The following BCLAF1 variants were observed in gnomAD, a reference collection of about 807,000 sequenced individuals.
BCLAF1 encodes bcl-2-associated transcription factor 1.
Under a neutral mutation model 99.5 loss-of-function variants are expected in BCLAF1, and 10 were observed. That is an observed-to-expected ratio of 0.10 (90% CI 0.06 to 0.17). BCLAF1 has a LOEUF of 0.17. Among genes scored for constraint, BCLAF1 ranks in the 10% least tolerant of loss-of-function variants. The pLI is 1.00. For synonymous variants in BCLAF1, 255 were observed against 370.9 expected, an observed-to-expected ratio of 0.69 and a Z score of 3.59; for missense variants, 636 against 1,105.8, an observed-to-expected ratio of 0.58 and a Z score of 6.02.
chr6:136,261,106 T>A lies in BCLAF1; in HGVS notation c.*4A>T. 6.3e-7 allele frequency: 1 copy of A among 1,578,066 alleles called. No individual in the cohort carries two copies. Among genetic ancestry groups the A allele is most frequent in the Non-Finnish European group, 8.6e-7 (1 of 1,163,216 alleles). On this transcript the variant is annotated 3_prime_UTR_variant, in exon 13 of 13. Transcript: ENST00000531224. Reference sequence around the variant, plus strand: ...TGCTCTGTTGTAATCTTACTTCATATTTATTATTCCTAAAAGAGAGAGAAA... The same window carrying A: ...TGCTCTGTTGTAATCTTACTTCATAATTATTATTCCTAAAAGAGAGAGAAA...
At chr6:136,281,342 C>T (rs1784363573) in intron 2 of BCLAF1, among the ~76,000 whole-genome samples, 1 of 152,056 alleles carries the variant, frequency 6.6e-6, no homozygotes, top group South Asian at 2.1e-4. Flanking sequence ...CCTTGTAGAA[C>T]ACAAATTTGG....
In BCLAF1 at chr6:136,258,644, T is replaced by C. The variant is rs1780623140; in HGVS notation, c.*2466A>G. 6.6e-6 allele frequency: 1 copy of C among 152,502 alleles called. No individual in the cohort carries two copies. The highest frequency in any genetic ancestry group is 1.9e-4 in the East Asian group (1 of 5,198). 9.4% of individuals were successfully genotyped at this position (152,502 alleles called of 1,614,324 possible). A position where few individuals can be genotyped will look rare whatever the true frequency, so the allele number is the denominator to read the frequency against. Reference sequence around the variant, plus strand: ...ATTTACAAGGGTCCCTGTTGCATCATTATACATCACACTGAGTAAGAATCG... The same window carrying C: ...ATTTACAAGGGTCCCTGTTGCATCACTATACATCACACTGAGTAAGAATCG... On this transcript the variant is annotated 3_prime_UTR_variant, in exon 13 of 13. Coordinates refer to ENST00000531224, the MANE Select transcript of BCLAF1 (RefSeq NM_014739.3).
In BCLAF1 at chr6:136,288,738, A is replaced by T. The variant is rs538665808; in HGVS notation, c.-115+975T>A. On this transcript the variant is annotated intron_variant, in intron 1 of 12. Coordinates refer to ENST00000531224, the MANE Select transcript of BCLAF1 (RefSeq NM_014739.3). ...CTTGATTCTGAAGAAATAAATCTTA[A>T]AAGCGAATCAAGCCAACTCATGAAT... 5.3e-5 allele frequency among the ~76,000 whole-genome samples: 8 copies of T among 152,322 alleles called. No homozygotes were observed. In the South Asian group the frequency reaches 1.4e-3, roughly 28 times the overall value.
intron 6 of BCLAF1, chr6:136,274,039 A>G: frequency 1.6e-6 from 2 of 1,286,840 alleles, no homozygotes; most frequent in South Asian, 1.2e-5. Flanking sequence ...TGCCTCAATC[A>G]TAATTCCATG....
chr6:136,288,637 C>A (rs1257413129), intron 1 of BCLAF1, among the ~76,000 whole-genome samples: 3 of 152,218 alleles, frequency 2.0e-5, no homozygotes, highest in Non-Finnish European at 4.4e-5. Flanking sequence ...CTTTCAACTT[C>A]AGTCTTAATT....
Position 136,269,565 on chromosome 6 carries a change from A to G in BCLAF1, c.2091T>C (p.Ile697=), listed in dbSNP as rs755061398. The G allele has an allele frequency of 1.6e-5, 26 of 1,611,742 alleles. No homozygotes were observed. Among genetic ancestry groups the G allele is most frequent in the Non-Finnish European group, 1.8e-5 (21 of 1,178,864 alleles). The change falls in exon 9 of 13, where the codon ATT becomes ATC. Residue 697 remains isoleucine (I), a synonymous_variant. Transcript: ENST00000531224. ...RCDSADLRHD[I]DRRRKERSKE... is the part of the protein sequence containing the mutation. ...TACTTCTTTCTTTTCTACGGCGATC[A>G]ATGTCATGCCGAAGGTCAGCAGAGT...
chr6:136,282,401 A>G (rs1784493225), intron 2 of BCLAF1, among the ~76,000 whole-genome samples, 183 bp downstream of exon 2: 1 of 152,118 alleles, frequency 6.6e-6, no homozygotes, highest in Admixed American at 6.5e-5. Flanking sequence ...GAAGACAGAA[A>G]AAGAACCTTT....
intron 1 of BCLAF1, among the ~76,000 whole-genome samples, chr6:136,284,598 TA>T (rs1448652114): frequency 6.6e-6 from 1 of 152,210 alleles, no homozygotes; most frequent in African/African-American, 2.4e-5. Flanking sequence ...AATAATGTCA[TA>T]TTTGATCCTG....
Position 136,273,205 on chromosome 6 carries a change from A to C in BCLAF1, c.1853-18T>G, listed in dbSNP as rs1238582753. 2.5e-5 allele frequency: 40 copies of C among 1,595,986 alleles called. No homozygotes were observed. Among genetic ancestry groups the C allele is most frequent in the Non-Finnish European group, 3.4e-5 (40 of 1,165,478 alleles). ...GTATTGCTCTGTTGATTTAGAAGAA[A>C]TACTGTCCGATTAGTTAACTTTACT... On this transcript the variant is annotated intron_variant, in intron 6 of 12. Coordinates refer to ENST00000531224, the MANE Select transcript of BCLAF1 (RefSeq NM_014739.3).
rs1780679349 is a variant in BCLAF1 at position 136,259,180 on chromosome 6, T to A, written c.*1930A>T. ...CTCTGGTATAATACTCTTTCTTCAA[T>A]TCTGTTTAACAGAATAAAAGTAACC... On this transcript the variant is annotated 3_prime_UTR_variant, in exon 13 of 13. Coordinates refer to ENST00000531224, the MANE Select transcript of BCLAF1 (RefSeq NM_014739.3). 1 of 152,204 alleles carries A rather than the reference T, an allele frequency of 6.6e-6. No individual in the cohort carries two copies. Among genetic ancestry groups the A allele is most frequent in the African/African-American group, 2.4e-5 (1 of 41,586 alleles). 9.4% of individuals were successfully genotyped at this position (152,204 alleles called of 1,614,324 possible).
chr6:136,271,343 G>C (rs1398747210), intron 8 of BCLAF1, among the ~76,000 whole-genome samples: 1 of 151,714 alleles, frequency 6.6e-6, no homozygotes, highest in Admixed American at 6.6e-5. Context: ...GCCTGATATA[G>C]ATTAGTCTAC....
At position 136,256,705 on chromosome 6, in the gene BCLAF1, AAAT is replaced by A. The variant is rs1364087490; in HGVS notation, c.*4402_*4404del. ...TAAATAAATAAATAAATAAATAAAT[AAAT>A]AATTCAAAGTGCATTTAACATTCTT... On this transcript the variant is annotated 3_prime_UTR_variant, in exon 13 of 13. Coordinates refer to ENST00000531224, the MANE Select transcript of BCLAF1 (RefSeq NM_014739.3). 584 of 164,228 alleles carry A rather than the reference AAAT, an allele frequency of 3.6e-3. 5 individuals are homozygous for A. The highest frequency in any genetic ancestry group is 0.013 in the African/African-American group (555 of 41,586). The allele number at this position is 164,228 out of a possible 1,614,324, so 10.2% of individuals were successfully genotyped here. A position where few individuals can be genotyped will look rare whatever the true frequency, so the allele number is the denominator to read the frequency against.
chr6:136,281,100 A>G (rs1784334860), intron 2 of BCLAF1, among the ~76,000 whole-genome samples: 1 of 152,186 alleles, frequency 6.6e-6, no homozygotes, highest in Middle Eastern at 3.2e-3. Flanking sequence ...TCATCAAGCA[A>G]TATAAATAAC....
chr6:136,263,076 A>T (rs1781239696), intron 11 of BCLAF1, among the ~76,000 whole-genome samples: 1 of 152,166 alleles, frequency 6.6e-6, no homozygotes, highest in South Asian at 2.1e-4. Context: ...CCTGTTCTGA[A>T]CACTTCACAT....
chr6:136,269,626 A>ATTT lies in BCLAF1; in HGVS notation c.2044-15_2044-14insAAA. The ATTT allele has an allele frequency of 6.4e-7, 1 of 1,565,762 alleles. No individual in the cohort carries two copies. The highest frequency in any genetic ancestry group is 8.6e-7 in the Non-Finnish European group (1 of 1,162,766). ...TTTTTTATCTCCCTATAAAAGACAGATATAAAATACAGATTTCAGGGGAGA... is the reference window on the plus strand; with the variant it reads ...TTTTTTATCTCCCTATAAAAGACAGATTTTATAAAATACAGATTTCAGGGGAGA... On this transcript the variant is annotated splice_polypyrimidine_tract_variant and intron_variant, in intron 8 of 12. Transcript: ENST00000531224.
intron 7 of BCLAF1, 99 bp downstream of exon 7, chr6:136,272,983 T>A (rs1042995200): frequency 1.3e-6 from 1 of 746,580 alleles, no homozygotes; most frequent in Admixed American, 2.6e-5. Context: ...GAATAATACT[T>A]GTATCAATGA....
intron 4 of BCLAF1, among the ~76,000 whole-genome samples, 194 bp downstream of exon 4, chr6:136,277,671 T>C (rs1470763827): frequency 1.3e-5 from 2 of 152,150 alleles, no homozygotes; most frequent in African/African-American, 4.8e-5. Flanking sequence ...GATAAATTAA[T>C]TTTTATTAAA....
At chr6:136,286,918 T>C (rs1785215074) in intron 1 of BCLAF1, among the ~76,000 whole-genome samples, 1 of 151,434 alleles carries the variant, frequency 6.6e-6, no homozygotes, top group Non-Finnish European at 1.5e-5. Flanking sequence ...CAGTGAGCCA[T>C]GATCATGCCA....
intron 2 of BCLAF1, among the ~76,000 whole-genome samples, chr6:136,281,725 ATC>A (rs1483722105): frequency 6.6e-6 from 1 of 152,178 alleles, no homozygotes; most frequent in Admixed American, 6.5e-5. Context: ...TATCTCCAGA[ATC>A]TCTGTTCTTT....
Sources: gnomAD v4.1 joint callset for allele counts (sites outside exome capture counted in the v4.1 genomes callset) on GRCh38, gnomAD v4.1.1 for gene constraint, MANE v1.5 for transcripts, NCBI Gene and HGNC (gene_info 2026-07-23, HGNC 2026-07-21) for gene names.